The following TMEM108 variants were observed in gnomAD, a reference collection of about 807,000 sequenced individuals.
TMEM108 encodes the protein transmembrane protein 108.
In TMEM108, 12 loss-of-function variants were observed where a neutral mutation model predicts 35.1. The ratio of observed to expected loss-of-function variants is 0.34; its 90% confidence interval spans 0.22 to 0.55. The LOEUF (loss-of-function observed/expected upper bound fraction) is 0.55, where lower values mean the gene tolerates loss of function less well. Among genes scored for constraint, TMEM108 ranks in the 20% least tolerant of loss-of-function variants. The probability of loss-of-function intolerance (pLI) is 0.89; values close to 1 mark genes in which losing one functional copy is unlikely to be tolerated. For missense variants in TMEM108, 680 were observed against 753.3 expected (o/e 0.90, Z 1.14); for synonymous variants, 287 against 308.6 (o/e 0.93, Z 0.73).
At chr3:133,259,938 T>A (rs1298257833) in intron 3 of TMEM108, among the ~76,000 whole-genome samples, 2 of 151,984 alleles carry the variant, frequency 1.3e-5, no homozygotes, top group African/African-American at 4.8e-5. Context: ...GGTGAAGGCG[T>A]GTGGTAACAG....
At position 133,282,026 on chromosome 3, in the gene TMEM108, A is replaced by G. The variant is rs556333973; in HGVS notation, c.40+52675A>G. On this transcript the variant is annotated intron_variant, in intron 3 of 5. Coordinates refer to ENST00000321871, the MANE Select transcript of TMEM108 (RefSeq NM_023943.4). Reference sequence around the variant, plus strand: ...CAAAAAATTAGCTGGGCATGGTGGCAGGCACCTGTAGTCCCAGCTACTCGG... The same window carrying G: ...CAAAAAATTAGCTGGGCATGGTGGCGGGCACCTGTAGTCCCAGCTACTCGG... Among the ~76,000 whole-genome samples the G allele has an allele frequency of 2.0e-4, 31 of 152,256 alleles. 1 individual carries two copies. Among genetic ancestry groups the G allele is most frequent in the East Asian group, 7.7e-4 (4 of 5,168 alleles).
chr3:133,120,550 C>T (rs1028171077), intron 2 of TMEM108, among the ~76,000 whole-genome samples: 1 of 152,176 alleles, frequency 6.6e-6, no homozygotes, highest in Admixed American at 6.5e-5. Flanking sequence ...CCTAACTAGA[C>T]CACTATTACA....
At chr3:133,271,485 T>G (rs569933567) in intron 3 of TMEM108, among the ~76,000 whole-genome samples, 1 of 152,324 alleles carries the variant, frequency 6.6e-6, no homozygotes, top group South Asian at 2.1e-4. Context: ...AGTGATTTCT[T>G]GGAAATAATT....
At chr3:133,065,055 A>G (rs372655357) in intron 2 of TMEM108, among the ~76,000 whole-genome samples, 1 of 152,194 alleles carries the variant, frequency 6.6e-6, no homozygotes, top group South Asian at 2.1e-4. Context: ...CAGGCCTTTT[A>G]TGTCTTACAT....
chr3:133,357,463 A>G (rs1311799683), intron 3 of TMEM108, among the ~76,000 whole-genome samples: 1 of 152,208 alleles, frequency 6.6e-6, no homozygotes, highest in Non-Finnish European at 1.5e-5. Flanking sequence ...TATATGAAAA[A>G]GATACGAGCA....
chr3:133,131,145 T>C (rs1239209027), intron 2 of TMEM108, among the ~76,000 whole-genome samples: 2 of 152,128 alleles, frequency 1.3e-5, no homozygotes, highest in African/African-American at 4.8e-5. Context: ...ACTTTTCCGT[T>C]TAAAACTAAA....
chr3:133,296,240 A>G (rs1576438882), intron 3 of TMEM108, among the ~76,000 whole-genome samples: 1 of 152,336 alleles, frequency 6.6e-6, no homozygotes, highest in East Asian at 1.9e-4. Context: ...AGCAGAAGTA[A>G]TAGAAGAATC....
intron 2 of TMEM108, among the ~76,000 whole-genome samples, chr3:133,133,889 G>A (rs57996780): frequency 0.083 from 12,478 of 151,140 alleles, 1,695 homozygotes; most frequent in African/African-American, 0.28. Flanking sequence ...TCAGCCTCCC[G>A]AGTAGCTGGG....
At chr3:133,107,527 G>T (rs927408765) in intron 2 of TMEM108, among the ~76,000 whole-genome samples, 3 of 151,252 alleles carry the variant, frequency 2.0e-5, no homozygotes, top group African/African-American at 7.3e-5. Context: ...GCCAAACACA[G>T]ACATAGCAGG....
chr3:133,243,423 C>T, intron 3 of TMEM108, among the ~76,000 whole-genome samples: 1 of 151,452 alleles, frequency 6.6e-6, no homozygotes, highest in Non-Finnish European at 1.5e-5. Flanking sequence ...AAATATAATT[C>T]TTATTTAAAT....
chr3:133,131,455 A>C (rs1488725616), intron 2 of TMEM108, among the ~76,000 whole-genome samples: 1 of 149,688 alleles, frequency 6.7e-6, no homozygotes, highest in Non-Finnish European at 1.5e-5. Context: ...CAATATTTCA[A>C]ACTTTTAAAT....
At chr3:133,238,755 G>A (rs1474905628) in intron 3 of TMEM108, among the ~76,000 whole-genome samples, 3 of 152,182 alleles carry the variant, frequency 2.0e-5, no homozygotes, top group South Asian at 4.1e-4. Flanking sequence ...TTTTCCTGTA[G>A]TTGAGGAAGG....
chr3:133,099,104 T>A (rs1944053791), intron 2 of TMEM108, among the ~76,000 whole-genome samples: 1 of 152,212 alleles, frequency 6.6e-6, no homozygotes, highest in African/African-American at 2.4e-5. Flanking sequence ...GCGTTTCCAT[T>A]CATCTTCTGA....
intron 3 of TMEM108, among the ~76,000 whole-genome samples, chr3:133,372,625 C>T (rs1471279052): frequency 6.6e-6 from 1 of 152,204 alleles, no homozygotes; most frequent in Non-Finnish European, 1.5e-5. Flanking sequence ...AGAGATTGTA[C>T]TCTGGGAAGC....
At chr3:133,293,763 A>C (rs767663987) in intron 3 of TMEM108, among the ~76,000 whole-genome samples, 5 of 151,982 alleles carry the variant, frequency 3.3e-5, no homozygotes, top group African/African-American at 4.8e-5. Flanking sequence ...CTTGTGTGTG[A>C]GGGTTTTTTT....
chr3:133,098,963 C>G (rs1236829134), intron 2 of TMEM108, among the ~76,000 whole-genome samples: 1 of 152,174 alleles, frequency 6.6e-6, no homozygotes, highest in African/African-American at 2.4e-5. Context: ...TCTCACAGCT[C>G]CACTAGGTCA....
chr3:133,169,330 T>TTTTCTAAGCTTTG, intron 2 of TMEM108, among the ~76,000 whole-genome samples: 1 of 3,400 alleles, frequency 2.9e-4, no homozygotes, highest in Admixed American at 3.6e-3. Context: ...ACTTTCTGTA[T>TTTTCTAAGCTTTG]TTCAGTAAGC....
At chr3:133,224,792 A>G (rs1443006821) in intron 2 of TMEM108, among the ~76,000 whole-genome samples, 1 of 152,152 alleles carries the variant, frequency 6.6e-6, no homozygotes, top group Non-Finnish European at 1.5e-5. Flanking sequence ...ACTAATACAT[A>G]TATAGTGTAT....
intron 2 of TMEM108, among the ~76,000 whole-genome samples, chr3:133,127,728 C>G (rs1944436302): frequency 1.3e-5 from 2 of 152,188 alleles, no homozygotes; most frequent in Admixed American, 1.3e-4. Flanking sequence ...TTATCTTTCT[C>G]ATTGTTTCAA....
Sources: gnomAD v4.1 joint callset for allele counts (sites outside exome capture counted in the v4.1 genomes callset) on GRCh38, gnomAD v4.1.1 for gene constraint, MANE v1.5 for transcripts, NCBI Gene and HGNC (gene_info 2026-07-23, HGNC 2026-07-21) for gene names.